The following UBE2H variants were observed in gnomAD, a reference collection of about 807,000 sequenced individuals.
The protein encoded by UBE2H is ubiquitin-conjugating enzyme E2 H.
In UBE2H, 3 loss-of-function variants were observed where a neutral mutation model predicts 29.0. That is an observed-to-expected ratio of 0.10 (90% CI 0.05 to 0.27). The LOEUF is 0.27. Among genes scored for constraint, UBE2H ranks in the 10% least tolerant of loss-of-function variants. UBE2H has a pLI of 1.00. For missense variants in UBE2H, 68 were observed against 228.2 expected, an observed-to-expected ratio of 0.30 and a Z score of 4.52; for synonymous variants, 69 against 82.9, an observed-to-expected ratio of 0.83 and a Z score of 0.91.
At chr7:129,934,920 T>C (rs1807490513) in intron 1 of UBE2H, among the ~76,000 whole-genome samples, 1 of 102,804 alleles carries the variant, frequency 9.7e-6, no homozygotes, top group Non-Finnish European at 2.0e-5. Flanking sequence ...TGTGTGTGTG[T>C]ATATATATGT....
intron 1 of UBE2H, among the ~76,000 whole-genome samples, chr7:129,903,780 C>T (rs55720717): frequency 0.017 from 2,544 of 152,196 alleles, 76 homozygotes; most frequent in African/African-American, 0.058. Flanking sequence ...GTGTTACACA[C>T]CTGTTATCCA....
At chr7:129,851,317 T>C (rs12534320) in intron 5 of UBE2H, among the ~76,000 whole-genome samples, 9,433 of 152,290 alleles carry the variant, frequency 0.062, 368 homozygotes, top group Non-Finnish European at 0.092. Flanking sequence ...CCTTAAGAGC[T>C]TGTAAGCTAA....
intron 5 of UBE2H, among the ~76,000 whole-genome samples, chr7:129,851,471 G>GAAAAGAATAA: frequency 6.6e-6 from 1 of 152,320 alleles, no homozygotes; most frequent in Non-Finnish European, 1.5e-5. Context: ...GTTAATATCA[G>GAAAAGAATAA]AAAAGAATAA....
At chr7:129,842,720 C>T (rs1054654266) in intron 5 of UBE2H, among the ~76,000 whole-genome samples, 2 of 151,378 alleles carry the variant, frequency 1.3e-5, no homozygotes, top group African/African-American at 2.4e-5. Flanking sequence ...TTGGCCAACA[C>T]GGTGAAATCC....
intron 1 of UBE2H, among the ~76,000 whole-genome samples, chr7:129,946,954 C>G (rs1807777220): frequency 6.6e-6 from 1 of 152,078 alleles, no homozygotes; most frequent in Non-Finnish European, 1.5e-5. Flanking sequence ...ATTCTTGGAA[C>G]CATCAAATCT....
chr7:129,941,109 C>T (rs1289819023), intron 1 of UBE2H, among the ~76,000 whole-genome samples: 1 of 152,152 alleles, frequency 6.6e-6, no homozygotes, highest in African/African-American at 2.4e-5. Flanking sequence ...CGCAAGCCAC[C>T]ACGCCCGGCT....
At chr7:129,948,203 A>T (rs556507172) in intron 1 of UBE2H, among the ~76,000 whole-genome samples, 1 of 149,484 alleles carries the variant, frequency 6.7e-6, no homozygotes, top group African/African-American at 2.5e-5. Context: ...TTGCCCAGGC[A>T]TGAGTGCAGT....
chr7:129,944,756 G>T (rs374518989), intron 1 of UBE2H, among the ~76,000 whole-genome samples: 1 of 110,758 alleles, frequency 9.0e-6, no homozygotes, highest in Admixed American at 9.6e-5. Context: ...ACACACGCAC[G>T]CACGCACGCG....
intron 3 of UBE2H, among the ~76,000 whole-genome samples, chr7:129,878,858 C>CAA (rs11405982): frequency 0.19 from 27,542 of 144,558 alleles, 2,954 homozygotes; most frequent in African/African-American, 0.29. Context: ...TAAAGTGAAG[C>CAA]AAAAAAAAAA....
At chr7:129,917,031 C>T (rs907531639) in intron 1 of UBE2H, among the ~76,000 whole-genome samples, 1 of 133,268 alleles carries the variant, frequency 7.5e-6, no homozygotes, top group African/African-American at 3.1e-5. Context: ...AGCAAGATTC[C>T]GTCTCCAAAA....
At chr7:129,851,469 C>T (rs1185111463) in intron 5 of UBE2H, among the ~76,000 whole-genome samples, 1 of 152,160 alleles carries the variant, frequency 6.6e-6, no homozygotes, top group Non-Finnish European at 1.5e-5. Flanking sequence ...TTGTTAATAT[C>T]AGAAAAGAAT....
chr7:129,858,991 A>C, intron 3 of UBE2H, 50 bp from the exon 4 acceptor site: 1 of 1,484,630 alleles, frequency 6.7e-7, no homozygotes, highest in Non-Finnish European at 9.4e-7. Context: ...GAGAACAATA[A>C]AAGTATTTCA....
chr7:129,837,843 C>T (rs1229999952), intron 6 of UBE2H, among the ~76,000 whole-genome samples: 1 of 152,086 alleles, frequency 6.6e-6, no homozygotes, highest in Non-Finnish European at 1.5e-5. Flanking sequence ...TGAACATTTC[C>T]GAAGGCTAGG....
chr7:129,866,966 C>T (rs1208738961), intron 3 of UBE2H, among the ~76,000 whole-genome samples: 2 of 152,138 alleles, frequency 1.3e-5, no homozygotes, highest in Non-Finnish European at 2.9e-5. Flanking sequence ...TTAGAATTAG[C>T]TTAATAAGTT....
chr7:129,936,363 G>A (rs1260667094), intron 1 of UBE2H, among the ~76,000 whole-genome samples: 1 of 152,174 alleles, frequency 6.6e-6, no homozygotes, highest in Non-Finnish European at 1.5e-5. Context: ...GGGAGGCCGA[G>A]GCGGGCAGAT....
At chr7:129,937,514 C>T (rs970762400) in intron 1 of UBE2H, among the ~76,000 whole-genome samples, 12 of 152,118 alleles carry the variant, frequency 7.9e-5, no homozygotes, top group African/African-American at 2.7e-4. Context: ...GAACTGGTTA[C>T]TAACTACTTT....
chr7:129,906,212 C>CTTT (rs368590267), intron 1 of UBE2H, among the ~76,000 whole-genome samples: 1 of 143,056 alleles, frequency 7.0e-6, no homozygotes. Flanking sequence ...TTTTTTCTTT[C>CTTT]TTTTTTTTTT....
At chr7:129,857,080 G>A (rs969616027) in intron 5 of UBE2H, 13 of 155,520 alleles carry the variant, frequency 8.4e-5, no homozygotes, top group African/African-American at 3.1e-4. Flanking sequence ...TCATAAGGAG[G>A]TTTTGGTCTT....
chr7:129,911,664 G>T (rs551478184), intron 1 of UBE2H, among the ~76,000 whole-genome samples: 1 of 151,990 alleles, frequency 6.6e-6, no homozygotes, highest in Non-Finnish European at 1.5e-5. Flanking sequence ...TAGAGACAGG[G>T]TCTCACTCTG....
Sources: gnomAD v4.1 joint callset for allele counts (sites outside exome capture counted in the v4.1 genomes callset) on GRCh38, gnomAD v4.1.1 for gene constraint, MANE v1.5 for transcripts, NCBI Gene and HGNC (gene_info 2026-07-23, HGNC 2026-07-21) for gene names.